NFATC1: variants seen among roughly 807,000 people sequenced by gnomAD.
The protein encoded by NFATC1 is nuclear factor of activated T cells 1, also known as nuclear factor of activated T-cells, cytoplasmic 1.
Under a neutral mutation model 76.0 loss-of-function variants are expected in NFATC1, and 22 were observed. The ratio of observed to expected loss-of-function variants is 0.29; its 90% CI spans 0.21 to 0.41. The LOEUF (loss-of-function observed/expected upper bound fraction) is 0.41, where lower values mean the gene tolerates loss of function less well. Ranked by LOEUF, NFATC1 falls within the 10% of genes least tolerant of loss-of-function variation. NFATC1 has a pLI of 1.00. For missense variants in NFATC1, 1,357 were observed against 1,337.7 expected (o/e 1.01, Z -0.23); for synonymous variants, 704 against 613.1 (o/e 1.15, Z -2.19).
At chr18:79,518,722 C>T (rs533687318) in intron 9 of NFATC1, among the ~76,000 whole-genome samples, 2 of 152,340 alleles carry the variant, frequency 1.3e-5, no homozygotes, top group East Asian at 3.9e-4. Context: ...CCAGTCCTGT[C>T]TTCAAAACGA....
At chr18:79,398,004 C>T (rs565426742) in intron 1 of NFATC1, among the ~76,000 whole-genome samples, 71 of 152,324 alleles carry the variant, frequency 4.7e-4, no homozygotes, top group Non-Finnish European at 9.3e-4. Flanking sequence ...TGGGGACACG[C>T]GTGGTTTCCA....
intron 9 of NFATC1, among the ~76,000 whole-genome samples, chr18:79,505,035 G>T (rs564389665): frequency 1.3e-4 from 3 of 22,254 alleles, no homozygotes; most frequent in African/African-American, 4.4e-4. Context: ...CCTTGGGTGA[G>T]GGAAGAGGCA....
chr18:79,515,147 C>G (rs34679792), intron 9 of NFATC1, among the ~76,000 whole-genome samples: 3 of 151,966 alleles, frequency 2.0e-5, no homozygotes, highest in Non-Finnish European at 4.4e-5. Flanking sequence ...GAGTTTGAGA[C>G]CAGCGTGGCC....
intron 4 of NFATC1, among the ~76,000 whole-genome samples, chr18:79,450,596 G>A (rs907531777): frequency 3.9e-5 from 6 of 152,142 alleles, no homozygotes; most frequent in South Asian, 4.1e-4. Flanking sequence ...CGTGGCCAGC[G>A]TGGGCCCTGG....
chr18:79,401,916 TACGGCCCTGGGCCC>T (rs1298969666), intron 1 of NFATC1, among the ~76,000 whole-genome samples: 1 of 152,186 alleles, frequency 6.6e-6, no homozygotes, highest in African/African-American at 2.4e-5. Flanking sequence ...CAGGACAGTG[TACGGCCCTGGGCCC>T]TCGGCCCTGG....
At chr18:79,443,416 A>G (rs1364712819) in intron 3 of NFATC1, among the ~76,000 whole-genome samples, 1 of 152,232 alleles carries the variant, frequency 6.6e-6, no homozygotes, top group East Asian at 1.9e-4. Context: ...TAGTGAGGGC[A>G]GCGCCCACTA....
chr18:79,515,485 A>G (rs2090357958), intron 9 of NFATC1, among the ~76,000 whole-genome samples: 1 of 150,696 alleles, frequency 6.6e-6, no homozygotes, highest in Admixed American at 6.6e-5. Context: ...GGGGGCTCGG[A>G]GGGGGCTCGG....
rs1026682283 is a variant in NFATC1 at position 79,451,656 on chromosome 18, C to A, written c.1763-20C>A. The A allele has an allele frequency of 3.2e-6, 5 of 1,569,530 alleles. No individual in the cohort carries two copies. The highest frequency in any genetic ancestry group is 4.3e-6 in the Non-Finnish European group (5 of 1,155,570). On this transcript the variant is annotated intron_variant, in intron 5 of 9. Transcript: ENST00000427363. Reference sequence around the variant, plus strand: ...GCCCACTCAGGACAGGCCCTCACTGCCCCTCTCCTTCTGATGCAGCCCAGC... The same window carrying A: ...GCCCACTCAGGACAGGCCCTCACTGACCCTCTCCTTCTGATGCAGCCCAGC...
At chr18:79,520,964 T>TGTG (rs2090532969) in intron 9 of NFATC1, among the ~76,000 whole-genome samples, 1 of 78,062 alleles carries the variant, frequency 1.3e-5, no homozygotes, top group Non-Finnish European at 2.3e-5. Flanking sequence ...TGTCTGTGTG[T>TGTG]GGGGGGGCAT....
At chr18:79,522,937 G>A (rs564542084) in intron 9 of NFATC1, among the ~76,000 whole-genome samples, 3 of 152,348 alleles carry the variant, frequency 2.0e-5, no homozygotes, top group South Asian at 4.1e-4. Flanking sequence ...AGGATCTGGG[G>A]GCAGGTGGCT....
intron 9 of NFATC1, among the ~76,000 whole-genome samples, chr18:79,526,324 G>C (rs1202329195): frequency 6.6e-6 from 1 of 152,272 alleles, no homozygotes; most frequent in Non-Finnish European, 1.5e-5. Flanking sequence ...CCTCTGCAGA[G>C]AGCCTGGCTC....
chr18:79,487,038 T>G (rs1266910845), intron 9 of NFATC1, 101 bp downstream of exon 9: 1 of 1,336,178 alleles, frequency 7.5e-7, no homozygotes, highest in Non-Finnish European at 1.0e-6. Context: ...CGTGTGGAAG[T>G]GCACCGAGGC....
At chr18:79,422,767 A>C (rs575694784) in intron 2 of NFATC1, 1 of 152,326 alleles carries the variant, frequency 6.6e-6, no homozygotes, top group Admixed American at 6.5e-5. Context: ...AGCTGCAAGG[A>C]ATGTTTCAGA....
At chr18:79,488,202 C>T (rs2089570090) in intron 9 of NFATC1, among the ~76,000 whole-genome samples, 2 of 151,986 alleles carry the variant, frequency 1.3e-5, no homozygotes, top group Admixed American at 1.3e-4. Flanking sequence ...AGGATGCATG[C>T]AAATATTTTA....
intron 8 of NFATC1, among the ~76,000 whole-genome samples, chr18:79,482,580 CTGG>C (rs2089323137): frequency 7.2e-6 from 1 of 138,254 alleles, no homozygotes; most frequent in African/African-American, 2.8e-5. Context: ...CCAGCGTGAC[CTGG>C]TCCTGGGGTG....
intron 8 of NFATC1, among the ~76,000 whole-genome samples, chr18:79,480,907 CAG>C (rs2089250135): frequency 6.6e-6 from 1 of 152,250 alleles, no homozygotes; most frequent in African/African-American, 2.4e-5. Context: ...AGGATCCCAA[CAG>C]GGTATTAATT....
At chr18:79,521,000 TGG>T (rs1227700152) in intron 9 of NFATC1, among the ~76,000 whole-genome samples, 6 of 28,710 alleles carry the variant, frequency 2.1e-4, no homozygotes, top group Admixed American at 5.7e-4. Context: ...TCTGTGTGTG[TGG>T]GGGGGGGCAT....
intron 2 of NFATC1, among the ~76,000 whole-genome samples, chr18:79,414,922 T>C (rs1005192907): frequency 6.6e-6 from 1 of 152,186 alleles, no homozygotes; most frequent in African/African-American, 2.4e-5. Flanking sequence ...TGCGGGTTAT[T>C]TATAAATAGT....
intron 1 of NFATC1, chr18:79,409,990 GT>G (rs1568922547): frequency 3.7e-6 from 2 of 543,638 alleles, no homozygotes; most frequent in Non-Finnish European, 7.2e-6. Context: ...GAGGAAGGTG[GT>G]TTTTGAATGA....
Sources: allele counts gnomAD v4.1 joint callset (sites outside exome capture counted in the v4.1 genomes callset), GRCh38; gene constraint gnomAD v4.1.1; transcripts MANE v1.5; gene names NCBI Gene and HGNC (gene_info 2026-07-23, HGNC 2026-07-21).